Variants in NEO1 observed in about 807,000 individuals in gnomAD.
The protein encoded by NEO1 is neogenin 1.
NEO1 carries 63 observed loss-of-function variants against 159.7 expected under a neutral mutation model. The ratio of observed to expected loss-of-function variants is 0.39; its 90% CI spans 0.32 to 0.49. The LOEUF is 0.49. NEO1 is among the 20% of genes least tolerant of loss of function. NEO1 has a pLI of 0.85. For synonymous variants in NEO1, 633 were observed against 662.0 expected, an observed-to-expected ratio of 0.96 and a Z score of 0.67; for missense variants, 1,615 against 1,831.0, an observed-to-expected ratio of 0.88 and a Z score of 2.15.
chr15:73,229,216 T>A lies in NEO1; in HGVS notation c.1292-7131T>A, dbSNP rs142312586. Among the ~76,000 whole-genome samples, 1,309 of 152,194 alleles carry A rather than the reference T, an allele frequency of 8.6e-3. 23 individuals are homozygous for A. Among genetic ancestry groups the A allele is most frequent in the African/African-American group, 0.03 (1,237 of 41,578 alleles). On this transcript the variant is annotated intron_variant, in intron 7 of 28. Transcript: ENST00000261908. Reference sequence around the variant, plus strand: ...CTCTGCAATGTGTTGTAATTTTTTCTTTGTACCAGTCTTACACTTCTTTTA... The same window carrying A: ...CTCTGCAATGTGTTGTAATTTTTTCATTGTACCAGTCTTACACTTCTTTTA...
chr15:73,228,199 AC>A (rs1271393570), intron 7 of NEO1, among the ~76,000 whole-genome samples: 1 of 152,184 alleles, frequency 6.6e-6, no homozygotes, highest in African/African-American at 2.4e-5. Flanking sequence ...CCCAAAGCAA[AC>A]ATGAAAAATA....
At chr15:73,075,458 T>TA (rs1340229126) in intron 1 of NEO1, among the ~76,000 whole-genome samples, 1 of 152,174 alleles carries the variant, frequency 6.6e-6, no homozygotes, top group Non-Finnish European at 1.5e-5. Context: ...GTGGTGCACT[T>TA]TTATGTATGC....
chr15:73,180,849 CATGTT>C (rs1293292240), intron 7 of NEO1, among the ~76,000 whole-genome samples: 3 of 152,000 alleles, frequency 2.0e-5, no homozygotes, highest in Non-Finnish European at 4.4e-5. Context: ...GAGTAAGTGT[CATGTT>C]ATTAATTGTG....
intron 22 of NEO1, among the ~76,000 whole-genome samples, chr15:73,279,351 G>GTTTT (rs869029902): frequency 4.2e-5 from 5 of 119,346 alleles, no homozygotes; most frequent in Admixed American, 3.0e-4. Flanking sequence ...TTTGGTTTTG[G>GTTTT]TTTTTTTTTT....
chr15:73,291,366 C>T (rs1046868271), intron 25 of NEO1, among the ~76,000 whole-genome samples: 1 of 152,090 alleles, frequency 6.6e-6, no homozygotes, highest in African/African-American at 2.4e-5. Context: ...TGATATCATT[C>T]TTCTTTTTTT....
At chr15:73,132,156 A>G (rs1405798865) in intron 4 of NEO1, among the ~76,000 whole-genome samples, 1 of 152,246 alleles carries the variant, frequency 6.6e-6, no homozygotes, top group East Asian at 1.9e-4. Context: ...GCTACCTGAC[A>G]CATATAGACA....
At position 73,270,116 on chromosome 15, in the gene NEO1, T is replaced by C. The variant is rs559139126; in HGVS notation, c.2601T>C (p.His867=). ...GAGTTCAGGCTTCCATTCTGAGTCA[T>C]GACACCATCAGGATTACGTGGGCAG... ...PVGVQASILS[H]DTIRITWADN... Residue 867 remains histidine, a synonymous_variant, in exon 17 of 29, where the codon CAT becomes CAC. Transcript: ENST00000261908. 2 of 1,614,218 alleles carry C rather than the reference T, an allele frequency of 1.2e-6. No individual in the cohort carries two copies. Among genetic ancestry groups the C allele is most frequent in the Admixed American group, 1.7e-5 (1 of 60,024 alleles).
At chr15:73,247,599 T>C (rs963621754) in intron 9 of NEO1, among the ~76,000 whole-genome samples, 27 of 152,224 alleles carry the variant, frequency 1.8e-4, no homozygotes, top group African/African-American at 6.5e-4. Context: ...TTCTCTACTT[T>C]GATAGCAAAA....
At chr15:73,242,766 C>G (rs2039559829) in intron 8 of NEO1, among the ~76,000 whole-genome samples, 2 of 152,016 alleles carry the variant, frequency 1.3e-5, no homozygotes, top group Admixed American at 1.3e-4. Context: ...GTTGAGTAGA[C>G]TGAAAAGGAG....
At chr15:73,302,527 C>T in intron 28 of NEO1, 86 bp from the exon 29 acceptor site, 2 of 1,232,430 alleles carry the variant, frequency 1.6e-6, no homozygotes, top group Non-Finnish European at 2.3e-6. Context: ...GACTACTGAC[C>T]ACATGAGGCT....
In NEO1 at chr15:73,278,177, C is replaced by T. The variant is rs780602490; in HGVS notation, c.3240C>T (p.Ser1080=). The change falls in exon 22 of 29, where the codon TCC becomes TCT. Residue 1080 remains serine (S), a synonymous_variant. Transcript: ENST00000261908. ...GKGSRLPDLG[S]DYKPPMSGSN... ...GAAGCCGGCTGCCAGACCTAGGATC[C>T]GACTACAAACCTCCAATGAGCGGTA... 30 of 1,612,832 alleles carry T rather than the reference C, an allele frequency of 1.9e-5. No homozygotes were observed. The highest frequency in any genetic ancestry group is 2.0e-5 in the Non-Finnish European group (24 of 1,179,130).
chr15:73,252,409 G>T (rs2040124387), intron 11 of NEO1, among the ~76,000 whole-genome samples: 1 of 152,188 alleles, frequency 6.6e-6, no homozygotes, highest in East Asian at 1.9e-4. Flanking sequence ...CTAAAGTTAC[G>T]TGGCTGTTTA....
In NEO1 at chr15:73,270,453, A is replaced by G. The variant is rs902547096; in HGVS notation, c.2856A>G (p.Leu952=). 1.2e-6 allele frequency: 2 copies of G among 1,609,168 alleles called. No individual in the cohort carries two copies. Among genetic ancestry groups the G allele is most frequent in the Admixed American group, 1.7e-5 (1 of 59,126 alleles). Reference sequence around the variant, plus strand: ...CAGCCCATGGGACCACCTTTGAATTAGGTATGTGTTGTCAGAAGCCATGTC... The same window carrying G: ...CAGCCCATGGGACCACCTTTGAATTGGGTATGTGTTGTCAGAAGCCATGTC... ...SMTAHGTTFE[L]VPTSPPKDVT... Residue 952 remains leucine (L), a splice_region_variant and synonymous_variant, in exon 18 of 29, where the codon TTA becomes TTG. Transcript: ENST00000261908.
At chr15:73,095,059 A>G (rs1264737807) in intron 1 of NEO1, among the ~76,000 whole-genome samples, 2 of 152,074 alleles carry the variant, frequency 1.3e-5, no homozygotes, top group East Asian at 3.9e-4. Context: ...AAATACAGAA[A>G]TTAGCCGGGC....
At chr15:73,109,982 G>A (rs2070886181) in intron 1 of NEO1, among the ~76,000 whole-genome samples, 1 of 152,082 alleles carries the variant, frequency 6.6e-6, no homozygotes, top group African/African-American at 2.4e-5. Flanking sequence ...AGCAAAGCAG[G>A]GTGGAAAATG....
chr15:73,256,177 G>C (rs765168152), intron 13 of NEO1: 1 of 152,166 alleles, frequency 6.6e-6, no homozygotes, highest in Non-Finnish European at 1.5e-5. Context: ...CAGGGTTCTT[G>C]AGAGAACCAA....
chr15:73,171,603 A>T lies in NEO1; in HGVS notation c.1016-4800A>T, dbSNP rs185928332. Among the ~76,000 whole-genome samples the T allele has an allele frequency of 2.6e-3, 363 of 141,532 alleles. 1 individual carries two copies. Among genetic ancestry groups the T allele is most frequent in the African/African-American group, 9.0e-3 (346 of 38,516 alleles). The allele number at this position is 141,532 out of a possible 152,430, so 92.9% of individuals were successfully genotyped here. A position where few individuals can be genotyped will look rare whatever the true frequency, so the allele number is the denominator to read the frequency against. ...GAATACCGACTGGGTAATAGGTGAT[A>T]TTAAGAAACTATTATTATTATTATT... On this transcript the variant is annotated intron_variant, in intron 5 of 28. Transcript: ENST00000261908.
chr15:73,266,395 G>T lies in NEO1; in HGVS notation c.2478G>T (p.Val826=), dbSNP rs2040897178. The T allele has an allele frequency of 6.2e-7, 1 of 1,612,504 alleles. No individual in the cohort carries two copies. ...GEGIPLYESA[V]TRPHTDTSEV... is the part of the protein sequence containing the mutation. ...GCATCCCCCTGTATGAGAGTGCTGT[G>T]ACCAGGCCTCACACAGGTAAGGTAT... Residue 826 remains valine, a synonymous_variant, in exon 16 of 29, where the codon GTG becomes GTT. Coordinates refer to ENST00000261908, the MANE Select transcript of NEO1 (RefSeq NM_002499.4).
At chr15:73,244,632 G>C in intron 9 of NEO1, 134 bp downstream of exon 9, 1 of 947,400 alleles carries the variant, frequency 1.1e-6, no homozygotes. Context: ...TCAATTAGGG[G>C]AGGCAAAATT....
Sources: allele counts gnomAD v4.1 joint callset (sites outside exome capture counted in the v4.1 genomes callset), GRCh38; gene constraint gnomAD v4.1.1; transcripts MANE v1.5; gene names NCBI Gene and HGNC (gene_info 2026-07-23, HGNC 2026-07-21).